The following SERF2 variants were observed in gnomAD, a reference collection of about 807,000 sequenced individuals.
SERF2 encodes small EDRK-rich factor 2, also known as gastric cancer-related protein VRG107.
SERF2 carries 4 observed loss-of-function variants against 10.7 expected under a neutral mutation model. The observed-to-expected ratio is 0.37, with a 90% confidence interval of 0.18 to 0.86. The LOEUF (loss-of-function observed/expected upper bound fraction) is 0.86. Ranked by LOEUF, SERF2 falls within the 40% of genes least tolerant of loss-of-function variation. The pLI is 0.43. For synonymous variants in SERF2, 26 were observed against 26.0 expected, an observed-to-expected ratio of 1.00 and a Z score of 0.01; for missense variants, 47 against 79.1, an observed-to-expected ratio of 0.59 and a Z score of 1.54.
At chr15:43,790,318 C>A (rs938622815), upstream of SERF2, among the ~76,000 whole-genome samples, 4 of 150,768 alleles carry the variant, frequency 2.7e-5, no homozygotes, top group South Asian at 2.1e-4. Flanking sequence ...TCAAAAAAAA[C>A]CAAAAATTCA....
At chr15:43,782,387 T>A (rs753251033) in intron 1 of SERF2, among the ~76,000 whole-genome samples, 2 of 152,218 alleles carry the variant, frequency 1.3e-5, no homozygotes, top group Non-Finnish European at 2.9e-5. Context: ...TTCTTGTATG[T>A]TCCTCTACAC....
chr15:43,778,604 A>C (rs2086941436), intron 1 of SERF2, among the ~76,000 whole-genome samples: 1 of 139,908 alleles, frequency 7.1e-6, no homozygotes, highest in African/African-American at 2.8e-5. Context: ...AAAAAAAAAA[A>C]AAAAAAAAAA....
chr15:43,792,107 G>C (rs956701898), upstream of SERF2: 1 of 543,698 alleles, frequency 1.8e-6, no homozygotes, highest in Non-Finnish European at 3.3e-6. Flanking sequence ...ACCCGGCCTA[G>C]TTTCTCCAGG....
intron 2 of SERF2, among the ~76,000 whole-genome samples, chr15:43,787,062 T>A (rs1185306661): frequency 6.8e-6 from 1 of 147,234 alleles, no homozygotes; most frequent in East Asian, 2.1e-4. Context: ...GCAGTGGCGC[T>A]CCACTCGGCT....
At position 43,794,104 on chromosome 15, in the gene SERF2, CT is replaced by C; in HGVS notation, c.*334del. The C allele has an allele frequency of 1.2e-6, 1 of 826,126 alleles. No individual in the cohort carries two copies. The highest frequency in any genetic ancestry group is 1.8e-6 in the Non-Finnish European group (1 of 548,682). 51.2% of individuals were successfully genotyped at this position (826,126 alleles called of 1,614,324 possible). On this transcript the variant is annotated 3_prime_UTR_variant, in exon 3 of 3. Transcript: ENST00000249786. Reference sequence around the variant, plus strand: ...GGATGGGGTTGGAAGAATGACTGCCCTTTCCCACCAAAAAAGGGAGAACTCT... The same window carrying C: ...GGATGGGGTTGGAAGAATGACTGCCCTTCCCACCAAAAAAGGGAGAACTCT...
chr15:43,782,717 T>A (rs1236546915), intron 1 of SERF2, among the ~76,000 whole-genome samples: 1 of 152,120 alleles, frequency 6.6e-6, no homozygotes, highest in East Asian at 1.9e-4. Flanking sequence ...ATCCTGTAAC[T>A]TTTTTCTTGG....
At chr15:43,780,946 AT>A (rs201437033) in intron 1 of SERF2, among the ~76,000 whole-genome samples, 14 of 150,762 alleles carry the variant, frequency 9.3e-5, no homozygotes, top group South Asian at 2.1e-4. Flanking sequence ...TCAGCATAAG[AT>A]TTTTTTTTTC....
chr15:43,791,400 C>T (rs1424936112), upstream of SERF2, among the ~76,000 whole-genome samples: 2 of 150,314 alleles, frequency 1.3e-5, no homozygotes, highest in African/African-American at 5.0e-5. Flanking sequence ...CCACCACGCC[C>T]GGCTAATTTT....
At chr15:43,791,810 G>A (rs1165433440), upstream of SERF2, 2 of 156,360 alleles carry the variant, frequency 1.3e-5, no homozygotes, top group Non-Finnish European at 2.9e-5. Flanking sequence ...AGTAGAAGCG[G>A]GTTTCTGAAG....
chr15:43,792,919 C>G, intron 1 of SERF2, 56 bp from the exon 2 acceptor site: 1 of 1,285,568 alleles, frequency 7.8e-7, no homozygotes, highest in Non-Finnish European at 1.1e-6. Flanking sequence ...GTAGAAGGGT[C>G]GCCGGTGTGT....
Position 43,795,639 on chromosome 15 carries a change from C to CTT in SERF2, c.*1866_*1867insTT. On this transcript the variant is annotated 3_prime_UTR_variant, in exon 3 of 3. Coordinates refer to ENST00000249786, the MANE Select transcript of SERF2 (RefSeq NM_001018108.4). ...TTAAGGCTCTTGAGGGTTCTTATGG[C>CTT]ACTCCACAGAGATCTACCACTTCTT... The CTT allele has an allele frequency of 1.9e-6, 3 of 1,607,744 alleles. No homozygotes were observed. Among genetic ancestry groups the CTT allele is most frequent in the Non-Finnish European group, 2.6e-6 (3 of 1,176,022 alleles).
At chr15:43,791,243 CTTA>C (rs942807285), upstream of SERF2, among the ~76,000 whole-genome samples, 47 of 145,884 alleles carry the variant, frequency 3.2e-4, no homozygotes, top group African/African-American at 1.2e-3. Flanking sequence ...CCGGCTAATT[CTTA>C]TTAACTTTTT....
intron 1 of SERF2, among the ~76,000 whole-genome samples, chr15:43,777,815 TG>T (rs1027629894): frequency 6.6e-6 from 1 of 152,110 alleles, no homozygotes; most frequent in Non-Finnish European, 1.5e-5. Flanking sequence ...TGTTTGATTA[TG>T]TTTCCCAAGA....
intron 2 of SERF2, 170 bp from the exon 3 acceptor site, chr15:43,793,539 CT>C: frequency 6.7e-7 from 1 of 1,483,294 alleles, no homozygotes; most frequent in Non-Finnish European, 9.0e-7. Flanking sequence ...GACTGGTCGC[CT>C]TTTGAGCCTC....
At chr15:43,793,276 G>T in intron 2 of SERF2, 193 bp downstream of exon 2, 2 of 575,584 alleles carry the variant, frequency 3.5e-6, no homozygotes, top group East Asian at 5.7e-5. Context: ...AAAGGACGGG[G>T]GCGGGCGCCT....
chr15:43,787,873 GTT>G (rs76113372), upstream of SERF2, among the ~76,000 whole-genome samples: 43 of 118,180 alleles, frequency 3.6e-4, no homozygotes, highest in African/African-American at 1.0e-3. Flanking sequence ...TAGATTTTTA[GTT>G]TTTTTTTTTT....
At chr15:43,784,155 C>T (rs1440664329) in intron 1 of SERF2, among the ~76,000 whole-genome samples, 2 of 151,924 alleles carry the variant, frequency 1.3e-5, no homozygotes, top group African/African-American at 4.8e-5. Flanking sequence ...GTCTTGGTCT[C>T]AAGTGATTCT....
rs981114582 is a variant in SERF2 at position 43,794,828 on chromosome 15, G to A, written c.*1055G>A. On this transcript the variant is annotated 3_prime_UTR_variant, in exon 3 of 3. Transcript: ENST00000249786. ...GTAGCTCCAGTGAGTCAGACACTCT[G>A]CCCAGCACATTAGACTGTGTTTGAC... The A allele has an allele frequency of 1.2e-5, 7 of 602,172 alleles. No homozygotes were observed. Among genetic ancestry groups the A allele is most frequent in the Non-Finnish European group, 2.1e-5 (7 of 341,040 alleles). The allele number at this position is 602,172 out of a possible 1,614,324, so 37.3% of individuals were successfully genotyped here. A position where few individuals can be genotyped will look rare whatever the true frequency, so the allele number is the denominator to read the frequency against.
Position 43,794,127 on chromosome 15 carries a change from C to T in SERF2, c.*354C>T, listed in dbSNP as rs1429808386. The T allele has an allele frequency of 1.5e-6, 1 of 674,608 alleles. No individual in the cohort carries two copies. The highest frequency in any genetic ancestry group is 2.1e-5 in the South Asian group (1 of 48,000). The allele number at this position is 674,608 out of a possible 1,614,324, so 41.8% of individuals were successfully genotyped here. A position where few individuals can be genotyped will look rare whatever the true frequency, so the allele number is the denominator to read the frequency against. On this transcript the variant is annotated 3_prime_UTR_variant, in exon 3 of 3. Transcript: ENST00000249786. ...CCCTTTCCCACCAAAAAAGGGAGAA[C>T]TCTTTAGATTCAGATTGTGGGTATG... is the stretch of plus-strand genomic sequence containing the variant.
Sources: gnomAD v4.1 joint callset for allele counts (sites outside exome capture counted in the v4.1 genomes callset) on GRCh38, gnomAD v4.1.1 for gene constraint, MANE v1.5 for transcripts, NCBI Gene and HGNC (gene_info 2026-07-23, HGNC 2026-07-21) for gene names.